Variants in DPP4 observed in about 807,000 individuals in gnomAD.
DPP4 encodes the protein dipeptidyl peptidase 4, also known as ADCP-2.
A neutral mutation model predicts 122.4 loss-of-function variants in DPP4; 93 were observed. The ratio of observed to expected loss-of-function variants is 0.76; its 90% CI spans 0.64 to 0.90. DPP4 has a LOEUF of 0.90. DPP4 is among the 40% of genes least tolerant of loss of function. DPP4 has a pLI of 0.00. For missense variants in DPP4, 914 were observed against 907.3 expected, an observed-to-expected ratio of 1.01 and a Z score of -0.09; for synonymous variants, 321 against 302.9, an observed-to-expected ratio of 1.06 and a Z score of -0.62.
intron 11 of DPP4, 141 bp from the exon 12 acceptor site, chr2:162,022,940 T>C (rs1683187564): frequency 5.6e-6 from 5 of 886,784 alleles, no homozygotes; most frequent in Non-Finnish European, 8.9e-6. Flanking sequence ...TTTATGTTAG[T>C]ATTTTTCAAG....
chr2:162,063,449 G>C (rs928406005), intron 2 of DPP4, among the ~76,000 whole-genome samples: 3 of 152,096 alleles, frequency 2.0e-5, no homozygotes, highest in Admixed American at 6.5e-5. Flanking sequence ...TCTTAGGATG[G>C]AGCCCCAGAG....
chr2:162,057,637 C>T (rs1015601683), intron 2 of DPP4, among the ~76,000 whole-genome samples: 1 of 152,158 alleles, frequency 6.6e-6, no homozygotes, highest in African/African-American at 2.4e-5. Context: ...GGATTATAAA[C>T]CTTAGAGCTT....
At chr2:162,022,623 A>C in intron 12 of DPP4, 132 bp downstream of exon 12, 1 of 827,638 alleles carries the variant, frequency 1.2e-6, no homozygotes, top group Non-Finnish European at 2.0e-6. Flanking sequence ...GAGCATTTAC[A>C]TATTTTGAGA....
At chr2:162,014,213 T>C (rs562611670) in intron 19 of DPP4, among the ~76,000 whole-genome samples, 183 bp downstream of exon 19, 1 of 152,256 alleles carries the variant, frequency 6.6e-6, no homozygotes, top group South Asian at 2.1e-4. Flanking sequence ...CTCCCTTCTC[T>C]ATTAAGAAGA....
intron 18 of DPP4, among the ~76,000 whole-genome samples, chr2:162,015,311 A>T (rs1055723053): frequency 6.6e-6 from 1 of 152,212 alleles, no homozygotes; most frequent in Non-Finnish European, 1.5e-5. Flanking sequence ...TGAAAAGAAA[A>T]GAAAGATTTG....
chr2:162,013,011 AT>A (rs1682759693), intron 19 of DPP4, among the ~76,000 whole-genome samples: 2 of 152,054 alleles, frequency 1.3e-5, no homozygotes, highest in African/African-American at 2.4e-5. Flanking sequence ...GCTAGCAAAT[AT>A]TTTTTCACAT....
chr2:162,001,937 A>G (rs1029599293), intron 23 of DPP4, among the ~76,000 whole-genome samples: 1 of 152,032 alleles, frequency 6.6e-6, no homozygotes, highest in African/African-American at 2.4e-5. Context: ...ATCTCCTTTC[A>G]TCTTTGAGGT....
rs1701267913 is a variant in DPP4 at position 162,005,765 on chromosome 2, C to T, written c.2032G>A (p.Asp678Asn). Reference protein sequence around the residue: ...ERYMGLPTPEDNLDHYRNSTV... With the variant: ...ERYMGLPTPENNLDHYRNSTV... ...CTTACTCTGTAATGGTCAAGGTTGT[C>T]TTCTGGAGTTGGGAGACCCATGTAA... The change falls in exon 23 of 26, where the codon GAC becomes AAC. Residue 678 changes from aspartate (D) to asparagine (N), a missense_variant. Transcript: ENST00000360534. 6.2e-7 allele frequency: 1 copy of T among 1,612,992 alleles called. No individual in the cohort carries two copies. The highest frequency in any genetic ancestry group is 2.2e-5 in the East Asian group (1 of 44,788).
chr2:162,047,391 A>G lies in DPP4; in HGVS notation c.193+12T>C, dbSNP rs759780374. 3 of 1,507,370 alleles carry G rather than the reference A, an allele frequency of 2.0e-6. No individual in the cohort carries two copies. The highest frequency in any genetic ancestry group is 1.8e-6 in the Non-Finnish European group (2 of 1,108,222). The allele number at this position is 1,507,370 out of a possible 1,614,324, so 93.4% of individuals were successfully genotyped here. A position where few individuals can be genotyped will look rare whatever the true frequency, so the allele number is the denominator to read the frequency against. On this transcript the variant is annotated intron_variant, in intron 3 of 25. Transcript: ENST00000360534. ...TAAGCATAAAATCTGCCCTACCCCA[A>G]AAAATTCTTACCTGAAATCCATCTT...
intron 2 of DPP4, among the ~76,000 whole-genome samples, chr2:162,053,798 A>G (rs751152307): frequency 6.6e-6 from 1 of 152,266 alleles, no homozygotes; most frequent in African/African-American, 2.4e-5. Context: ...ACCTCCACCT[A>G]GATTTCAAAA....
Position 162,018,777 on chromosome 2 carries a change from A to G in DPP4, c.1372T>C (p.Ser458Pro), listed in dbSNP as rs1000315290. The part of the protein sequence containing the change: ...ELNPERCQYY[S>P]VSFSKEAKYY... The stretch of plus-strand genomic sequence containing the variant: ...TTCGCCTCTTTACTGAATGACACAG[A>G]ATAGTACTGACACCTTTCCGGATTC... Residue 458 changes from serine to proline, a missense_variant, in exon 16 of 26, where the codon TCT (serine) becomes CCT (proline). Ser to Pro is a moderately conservative substitution (Grantham distance 74). Coordinates refer to ENST00000360534, the MANE Select transcript of DPP4 (RefSeq NM_001935.4). 1 of 1,614,204 alleles carries G rather than the reference A, an allele frequency of 6.2e-7. No individual in the cohort carries two copies. Among genetic ancestry groups the G allele is most frequent in the African/African-American group, 1.3e-5 (1 of 75,060 alleles).
chr2:161,994,934 C>T, intron 25 of DPP4, 27 bp downstream of exon 25: 1 of 1,609,776 alleles, frequency 6.2e-7, no homozygotes. Context: ...AGCAACTTCC[C>T]TCCCCTTGCA....
intron 10 of DPP4, among the ~76,000 whole-genome samples, chr2:162,028,307 A>G (rs1200887799): frequency 1.3e-5 from 2 of 152,164 alleles, no homozygotes; most frequent in African/African-American, 4.8e-5. Context: ...GGTTGCATTG[A>G]GCCGAGATCA....
At chr2:162,056,789 T>C (rs1271483056) in intron 2 of DPP4, among the ~76,000 whole-genome samples, 1 of 152,214 alleles carries the variant, frequency 6.6e-6, no homozygotes, top group Non-Finnish European at 1.5e-5. Flanking sequence ...AGTTAAATGA[T>C]AACCAGCCAT....
At chr2:162,008,699 G>A (rs770786621) in intron 21 of DPP4, 38 bp from the exon 22 acceptor site, 1 of 1,553,022 alleles carries the variant, frequency 6.4e-7, no homozygotes, top group South Asian at 1.1e-5. Context: ...GGAGGTAAAA[G>A]AATAAGGACA....
At chr2:162,065,846 T>C (rs533446576) in intron 2 of DPP4, among the ~76,000 whole-genome samples, 77 of 152,340 alleles carry the variant, frequency 5.1e-4, no homozygotes, top group Non-Finnish European at 8.5e-4. Flanking sequence ...TTAATGTTTA[T>C]GTGTCTTTTA....
intron 8 of DPP4, among the ~76,000 whole-genome samples, chr2:162,035,865 C>A (rs990381341): frequency 6.6e-6 from 1 of 152,042 alleles, no homozygotes. Context: ...CCATTGAGAC[C>A]CCTACTGAGA....
intron 2 of DPP4, among the ~76,000 whole-genome samples, chr2:162,054,763 T>C (rs1047462784): frequency 4.6e-5 from 7 of 152,204 alleles, no homozygotes; most frequent in Non-Finnish European, 1.0e-4. Context: ...TAAGTTTCTG[T>C]TGCTTATAAA....
chr2:162,073,380 T>A lies in DPP4; in HGVS notation c.94+19A>T, dbSNP rs201960249. ...CTGAGCTCCAACTGTCCTATCTTTT[T>A]CAAATGTTTCAAACTTACTGCCTTT... is the stretch of plus-strand genomic sequence containing the variant. On this transcript the variant is annotated intron_variant, in intron 2 of 25. Coordinates refer to ENST00000360534, the MANE Select transcript of DPP4 (RefSeq NM_001935.4). The A allele has an allele frequency of 2.7e-4, 434 of 1,613,352 alleles. No homozygotes were observed. The highest frequency in any genetic ancestry group is 3.1e-4 in the Non-Finnish European group (362 of 1,179,642).
Sources: gnomAD v4.1 joint callset for allele counts (sites outside exome capture counted in the v4.1 genomes callset) on GRCh38, gnomAD v4.1.1 for gene constraint, MANE v1.5 for transcripts, NCBI Gene and HGNC (gene_info 2026-07-23, HGNC 2026-07-21) for gene names.